The following XYLT1 variants were observed in gnomAD, a reference collection of about 807,000 sequenced individuals.
The protein encoded by XYLT1 is xylosyltransferase 1, also known as beta-D-xylosyltransferase 1.
In XYLT1, 36 loss-of-function variants were observed where a neutral mutation model predicts 91.3. The ratio of observed to expected loss-of-function variants is 0.39; its 90% CI spans 0.30 to 0.52. The LOEUF is 0.52. XYLT1 is among the 20% of genes least tolerant of loss of function. The pLI, the probability that XYLT1 is intolerant of heterozygous loss-of-function variation, is 0.68. For missense variants in XYLT1, 1,242 were observed against 1,284.5 expected, an observed-to-expected ratio of 0.97 and a Z score of 0.51; for synonymous variants, 588 against 532.0, an observed-to-expected ratio of 1.11 and a Z score of -1.45.
chr16:17,293,490 CCTT>C, intron 2 of XYLT1, among the ~76,000 whole-genome samples: 1 of 121,128 alleles, frequency 8.3e-6, no homozygotes, highest in Non-Finnish European at 1.7e-5. Context: ...TTTTCTCCCT[CCTT>C]TTTTTTTTTT....
intron 5 of XYLT1, among the ~76,000 whole-genome samples, chr16:17,195,809 C>T (rs1036552556): frequency 2.6e-5 from 4 of 152,204 alleles, no homozygotes; most frequent in African/African-American, 9.7e-5. Flanking sequence ...GATCATCTAA[C>T]TCCATCTTCT....
chr16:17,378,713 T>C (rs1160176980), intron 1 of XYLT1, among the ~76,000 whole-genome samples: 1 of 152,232 alleles, frequency 6.6e-6, no homozygotes, highest in Non-Finnish European at 1.5e-5. Context: ...TTACGACCAG[T>C]TCACAGCCAG....
chr16:17,190,518 C>T (rs540745930), intron 5 of XYLT1, among the ~76,000 whole-genome samples: 1 of 138,952 alleles, frequency 7.2e-6, no homozygotes, highest in South Asian at 2.3e-4. Flanking sequence ...TTGTTCAGTT[C>T]CCACCTATGA....
Position 17,134,596 on chromosome 16 carries a change from T to C in XYLT1, c.1904A>G (p.Tyr635Cys). The C allele has an allele frequency of 1.9e-6, 3 of 1,614,162 alleles. No homozygotes were observed. The highest frequency in any genetic ancestry group is 2.5e-6 in the Non-Finnish European group (3 of 1,180,032). ...GCTGTGGATGCCGTCAGGCTCATCGTAGACATTCTCCCAGTAGGAGCGCAG... is the reference window on the plus strand; with the variant it reads ...GCTGTGGATGCCGTCAGGCTCATCGCAGACATTCTCCCAGTAGGAGCGCAG... ...PGLRSYWENV[Y>C]DEPDGIHSLS... The change falls in exon 9 of 12, where the codon TAC becomes TGC. Residue 635 changes from tyrosine (Y) to cysteine (C), a missense_variant. Physicochemically the swap from Tyr to Cys is radical, Grantham distance 194 (BLOSUM62 -2). Coordinates refer to ENST00000261381, the MANE Select transcript of XYLT1 (RefSeq NM_022166.4).
Position 17,228,603 on chromosome 16 carries a change from G to A in XYLT1, c.914-27949C>T, listed in dbSNP as rs987250967. ...CGAGGCTTGTGATTGGAGGAGGCTTGTGATTGGAGGAGGCTTCTGATCGGT... is the reference window on the plus strand; with the variant it reads ...CGAGGCTTGTGATTGGAGGAGGCTTATGATTGGAGGAGGCTTCTGATCGGT... On this transcript the variant is annotated intron_variant, in intron 3 of 11. Coordinates refer to ENST00000261381, the MANE Select transcript of XYLT1 (RefSeq NM_022166.4). Among the ~76,000 whole-genome samples, 8 of 152,268 alleles carry A rather than the reference G, an allele frequency of 5.3e-5. No individual in the cohort carries two copies. In the East Asian group the frequency reaches 1.4e-3, roughly 26 times the overall value.
At chr16:17,220,414 A>G (rs2032944795) in intron 3 of XYLT1, among the ~76,000 whole-genome samples, 1 of 152,198 alleles carries the variant, frequency 6.6e-6, no homozygotes, top group Non-Finnish European at 1.5e-5. Context: ...AGCAGTGGGT[A>G]GCCGGGATTG....
chr16:17,303,963 CAT>C (rs2034434746), intron 2 of XYLT1, among the ~76,000 whole-genome samples: 1 of 151,976 alleles, frequency 6.6e-6, no homozygotes, highest in African/African-American at 2.4e-5. Context: ...GAACAAAATA[CAT>C]ATGTGAGCAA....
chr16:17,249,954 G>A (rs2033510384), intron 3 of XYLT1: 1 of 152,272 alleles, frequency 6.6e-6, no homozygotes, highest in Non-Finnish European at 1.5e-5. Flanking sequence ...GAGATCACAG[G>A]CGTGAGCCAC....
chr16:17,310,756 G>A (rs2034535446), intron 2 of XYLT1, among the ~76,000 whole-genome samples: 1 of 152,200 alleles, frequency 6.6e-6, no homozygotes, highest in African/African-American at 2.4e-5. Context: ...GGCTGAGGCA[G>A]GAGAATCACT....
intron 1 of XYLT1, among the ~76,000 whole-genome samples, chr16:17,395,601 T>C (rs1037151041): frequency 2.0e-4 from 30 of 151,358 alleles, no homozygotes; most frequent in Non-Finnish European, 3.4e-4. Context: ...ATAATAATTA[T>C]TCTTGCTCAT....
chr16:17,460,904 G>A (rs1186039264), intron 1 of XYLT1, among the ~76,000 whole-genome samples: 1 of 152,164 alleles, frequency 6.6e-6, no homozygotes, highest in East Asian at 1.9e-4. Context: ...CGATGTGGCT[G>A]CATCAGGTGG....
intron 3 of XYLT1, among the ~76,000 whole-genome samples, chr16:17,238,587 C>T (rs2033286376): frequency 6.6e-6 from 1 of 152,204 alleles, no homozygotes; most frequent in Non-Finnish European, 1.5e-5. Flanking sequence ...GTGATGCTGT[C>T]GGACCCCAAT....
At chr16:17,445,503 G>C (rs898587714) in intron 1 of XYLT1, among the ~76,000 whole-genome samples, 2 of 152,190 alleles carry the variant, frequency 1.3e-5, no homozygotes, top group African/African-American at 2.4e-5. Flanking sequence ...AGCCCTTCCT[G>C]GCAGCTGCCA....
At chr16:17,224,653 A>C (rs2033031229) in intron 3 of XYLT1, among the ~76,000 whole-genome samples, 1 of 152,122 alleles carries the variant, frequency 6.6e-6, no homozygotes, top group South Asian at 2.1e-4. Flanking sequence ...CAGCTTCCAA[A>C]TCTGCAAAAG....
At chr16:17,269,881 T>G (rs1371004973) in intron 2 of XYLT1, among the ~76,000 whole-genome samples, 1 of 151,594 alleles carries the variant, frequency 6.6e-6, no homozygotes, top group Non-Finnish European at 1.5e-5. Flanking sequence ...GCATGATCTC[T>G]GCTCAGTGCA....
chr16:17,195,658 C>T (rs372242598), intron 5 of XYLT1, among the ~76,000 whole-genome samples: 1 of 152,058 alleles, frequency 6.6e-6, no homozygotes, highest in South Asian at 2.1e-4. Context: ...CTTGGCCAGG[C>T]TGGTCTTGAA....
intron 1 of XYLT1, among the ~76,000 whole-genome samples, chr16:17,411,350 C>G (rs771431272): frequency 3.3e-5 from 5 of 152,134 alleles, no homozygotes; most frequent in Non-Finnish European, 7.4e-5. Context: ...CAAAGAGCTA[C>G]CTACTTAATA....
intron 2 of XYLT1, among the ~76,000 whole-genome samples, chr16:17,280,580 T>C (rs2034042582): frequency 6.6e-6 from 1 of 152,208 alleles, no homozygotes; most frequent in African/African-American, 2.4e-5. Context: ...TATTCAATTA[T>C]TTAAAGAAAT....
intron 2 of XYLT1, among the ~76,000 whole-genome samples, chr16:17,288,959 T>A (rs8045684): frequency 0.021 from 3,126 of 152,240 alleles, 101 homozygotes; most frequent in African/African-American, 0.07. Flanking sequence ...TAGATTTTTT[T>A]AAAAAACCTG....
Sources: gnomAD v4.1 joint callset for allele counts (sites outside exome capture counted in the v4.1 genomes callset) on GRCh38, gnomAD v4.1.1 for gene constraint, MANE v1.5 for transcripts, NCBI Gene and HGNC (gene_info 2026-07-23, HGNC 2026-07-21) for gene names.